Variants in CPEB2 observed in about 807,000 individuals in gnomAD.
CPEB2 encodes cytoplasmic polyadenylation element-binding protein 2.
In CPEB2, 56 loss-of-function variants were observed where a neutral mutation model predicts 93.6. That is an observed-to-expected ratio of 0.60 (90% CI 0.48 to 0.75). The LOEUF (loss-of-function observed/expected upper bound fraction) is 0.75, where lower values mean the gene tolerates loss of function less well. Ranked by LOEUF, CPEB2 falls within the 30% of genes least tolerant of loss-of-function variation. CPEB2 has a pLI of 0.00. For synonymous variants in CPEB2, 764 were observed against 586.3 expected (o/e 1.30, Z -4.38); for missense variants, 1,579 against 1,395.1 (o/e 1.13, Z -2.10).
At chr4:15,027,695 G>A (rs1404898011) in intron 4 of CPEB2, among the ~76,000 whole-genome samples, 2 of 152,138 alleles carry the variant, frequency 1.3e-5, no homozygotes, top group East Asian at 3.8e-4. Context: ...ACTTAATTAA[G>A]AAGTATTAGA....
intron 5 of CPEB2, among the ~76,000 whole-genome samples, chr4:15,039,231 T>A (rs1468600701): frequency 1.3e-5 from 2 of 152,200 alleles, no homozygotes; most frequent in African/African-American, 4.8e-5. Flanking sequence ...ATTGACTTTT[T>A]TCTTAGAATT....
chr4:15,038,306 T>C (rs1726830500), intron 5 of CPEB2, among the ~76,000 whole-genome samples: 2 of 152,238 alleles, frequency 1.3e-5, no homozygotes, highest in Admixed American at 1.3e-4. Context: ...AAACTGGCTA[T>C]GATATCATTA....
In CPEB2 at chr4:15,017,259, A is replaced by G. The variant is rs1160565597; in HGVS notation, c.2106A>G (p.Ala702=). The change falls in exon 4 of 12, where the codon GCA becomes GCG. Residue 702 remains alanine, a synonymous_variant. Transcript: ENST00000538197. ...LENSLIDIMR[A]EHDPLKGRLS... ...ATTCCCTTATCGATATTATGAGAGC[A>G]GAGCATGATCCTCTTAAGGGTAGGT... 6 of 1,593,056 alleles carry G rather than the reference A, an allele frequency of 3.8e-6. No individual in the cohort carries two copies. The highest frequency in any genetic ancestry group is 1.7e-4 in the Middle Eastern group (1 of 6,006).
Position 15,062,280 on chromosome 4 carries a change from AT to A in CPEB2, c.2877+21del. ...AAACGTGTAAGTTGCATATTGGGAAATCACTTATGTCCTATAATAAGGTGCT... is the reference window on the plus strand; with the variant it reads ...AAACGTGTAAGTTGCATATTGGGAAACACTTATGTCCTATAATAAGGTGCT... On this transcript the variant is annotated intron_variant, in intron 11 of 11. Coordinates refer to ENST00000538197, the MANE Select transcript of CPEB2 (RefSeq NM_001177382.2). 6.3e-7 allele frequency: 1 copy of A among 1,588,388 alleles called. No individual in the cohort carries two copies. The highest frequency in any genetic ancestry group is 8.6e-7 in the Non-Finnish European group (1 of 1,162,200).
intron 6 of CPEB2, among the ~76,000 whole-genome samples, chr4:15,042,176 A>G (rs1577433239): frequency 6.6e-6 from 1 of 152,062 alleles, no homozygotes; most frequent in Non-Finnish European, 1.5e-5. Context: ...CTTGTTAAAC[A>G]TTTTTCATCT....
At position 15,029,393 on chromosome 4, in the gene CPEB2, C is replaced by T. The variant is rs749007405; in HGVS notation, c.2126-3768C>T. Among the ~76,000 whole-genome samples the T allele has an allele frequency of 4.6e-5, 7 of 151,808 alleles. No homozygotes were observed. The East Asian group carries it at 9.6e-4, about 21-fold the overall frequency. On this transcript the variant is annotated intron_variant, in intron 4 of 11. Coordinates refer to ENST00000538197, the MANE Select transcript of CPEB2 (RefSeq NM_001177382.2). Reference sequence around the variant, plus strand: ...GACGAATAAGAAAATTTTTAAGATACGATAGATCCTCTAGTTATTCACTGA... The same window carrying T: ...GACGAATAAGAAAATTTTTAAGATATGATAGATCCTCTAGTTATTCACTGA...
Position 15,004,226 on chromosome 4 carries a change from C to G in CPEB2, c.1553C>G (p.Pro518Arg). 1 of 1,493,262 alleles carries G rather than the reference C, an allele frequency of 6.7e-7. No homozygotes were observed. Among genetic ancestry groups the G allele is most frequent in the Non-Finnish European group, 8.9e-7 (1 of 1,128,398 alleles). 92.5% of individuals were successfully genotyped at this position (1,493,262 alleles called of 1,614,324 possible). The change falls in exon 1 of 12, where the codon CCG (proline) becomes CGG (arginine). Residue 518 changes from proline (P) to arginine (R), a missense_variant. Pro to Arg is a moderately radical substitution (Grantham distance 103). Coordinates refer to ENST00000538197, the MANE Select transcript of CPEB2 (RefSeq NM_001177382.2). ...PQQQPPPPAAPQQPQSRRSPV... is the reference protein window; with the variant it reads ...PQQQPPPPAARQQPQSRRSPV... ...CAGCAGCCCCCGCCGCCCGCGGCGC[C>G]GCAGCAGCCGCAGAGCCGGAGGTCG... is the stretch of plus-strand genomic sequence containing the variant.
In CPEB2 at chr4:15,058,286, G is replaced by T. The variant is rs200159020; in HGVS notation, c.2462-135G>T. 52 of 611,032 alleles carry T rather than the reference G, an allele frequency of 8.5e-5. No homozygotes were observed. In the East Asian group the frequency reaches 1.4e-3, roughly 16 times the overall value. 37.9% of individuals were successfully genotyped at this position (611,032 alleles called of 1,614,324 possible). On this transcript the variant is annotated intron_variant, in intron 8 of 11. Transcript: ENST00000538197. ...ACATAAGATATTGTGTTCTCTTGTA[G>T]AAGGTAAATGGTTTTTCATCCTATT... is the stretch of plus-strand genomic sequence containing the variant.
At chr4:15,059,724 G>T (rs1425404795) in intron 10 of CPEB2, among the ~76,000 whole-genome samples, 1 of 151,968 alleles carries the variant, frequency 6.6e-6, no homozygotes, top group African/African-American at 2.4e-5. Flanking sequence ...ATAAGTGAAT[G>T]ATGATAAACT....
At chr4:15,061,092 T>C (rs1729149477) in intron 10 of CPEB2, among the ~76,000 whole-genome samples, 1 of 152,154 alleles carries the variant, frequency 6.6e-6, no homozygotes, top group East Asian at 1.9e-4. Context: ...CCATTTTTAA[T>C]ATACCGAGTG....
rs561712076 is a variant in CPEB2 at position 15,054,607 on chromosome 4, A to AT, written c.2461+400dup. Among the ~76,000 whole-genome samples the AT allele has an allele frequency of 1.6e-4, 24 of 150,162 alleles. No homozygotes were observed. In the East Asian group the frequency reaches 3.5e-3, roughly 22 times the overall value. The stretch of plus-strand genomic sequence containing the variant: ...AAAGACAAAGTAGCTAGTTGGGTCT[A>AT]TTTTTTTTTTCAATTATATAAAGAT... On this transcript the variant is annotated intron_variant, in intron 8 of 11. Transcript: ENST00000538197.
At position 15,062,200 on chromosome 4, in the gene CPEB2, C is replaced by T; in HGVS notation, c.2817C>T (p.Ser939=). ...GAGTTGCTTTCTCCAATCAGCAGAG[C>T]TATATTGCTGCCATTAGTGCTCGGT... The part of the protein sequence containing the change: ...AGRVAFSNQQ[S]YIAAISARFV... The change falls in exon 11 of 12, where the codon AGC becomes AGT. Residue 939 remains serine, a synonymous_variant. Coordinates refer to ENST00000538197, the MANE Select transcript of CPEB2 (RefSeq NM_001177382.2). 1.9e-6 allele frequency: 3 copies of T among 1,612,852 alleles called. No homozygotes were observed. The highest frequency in any genetic ancestry group is 2.5e-6 in the Non-Finnish European group (3 of 1,179,204).
At chr4:15,004,380 A>C in intron 1 of CPEB2, 45 bp downstream of exon 1, 31 of 1,331,154 alleles carry the variant, frequency 2.3e-5, no homozygotes, top group Non-Finnish European at 2.9e-5. Flanking sequence ...CCGGGAGACC[A>C]TGGGCGGGGG....
rs1727536856 is a variant in CPEB2 at position 15,045,154 on chromosome 4, A to AT, written c.2200+4668dup. ...TTCCCTCTACTTCTTTTTCTCCTCT[A>AT]TCCTTTTCTGTCTATAACTATCTCA... is the stretch of plus-strand genomic sequence containing the variant. On this transcript the variant is annotated intron_variant, in intron 6 of 11. Coordinates refer to ENST00000538197, the MANE Select transcript of CPEB2 (RefSeq NM_001177382.2). Among the ~76,000 whole-genome samples, 3 of 151,934 alleles carry AT rather than the reference A, an allele frequency of 2.0e-5. No homozygotes were observed. The South Asian group carries it at 6.2e-4, about 32-fold the overall frequency.
In CPEB2 at chr4:15,003,755, C is replaced by A; in HGVS notation, c.1082C>A (p.Pro361His). The A allele has an allele frequency of 2.4e-6, 3 of 1,254,162 alleles. No individual in the cohort carries two copies. Among genetic ancestry groups the A allele is most frequent in the South Asian group, 3.3e-5 (1 of 30,480 alleles). The allele number at this position is 1,254,162 out of a possible 1,614,324, so 77.7% of individuals were successfully genotyped here. ...GGCGGCGGCGGCGGGGGCGGGGGGC[C>A]CCCAGGAGGCGGAGGGGGAGGCGGC... ...GGGGGGGGGG[P>H]PGGGGGGGSA... Residue 361 changes from proline to histidine, a missense_variant, in exon 1 of 12, where the codon CCC becomes CAC. Pro to His is a moderately conservative substitution (Grantham distance 77). This residue lies in a region of CPEB2 where 1,411 missense variants were observed against 1,056.0 expected (regional missense o/e 1.34). Transcript: ENST00000538197.
At chr4:15,064,090 G>T (rs1043638209) in intron 11 of CPEB2, among the ~76,000 whole-genome samples, 2 of 152,064 alleles carry the variant, frequency 1.3e-5, no homozygotes, top group Non-Finnish European at 2.9e-5. Context: ...TGGCGGGAAT[G>T]AAAATTGTTT....
Position 15,007,323 on chromosome 4 carries a change from C to T in CPEB2, c.1681C>T (p.Pro561Ser), listed in dbSNP as rs199895534. 6 of 1,542,522 alleles carry T rather than the reference C, an allele frequency of 3.9e-6. No homozygotes were observed. Among genetic ancestry groups the T allele is most frequent in the African/African-American group, 1.4e-5 (1 of 73,150 alleles). ...TCCCTAGCCTCTTCTGAAACAGTCT[C>T]CCTGGAGCAACCATCAGAGCAGTGG... ...NHHQPLLKQS[P>S]WSNHQSSGWG... Residue 561 changes from proline (P) to serine (S), a missense_variant, in exon 2 of 12, where the codon CCC becomes TCC. This residue lies in a region of CPEB2 where 1,411 missense variants were observed against 1,056.0 expected (regional missense o/e 1.34). Coordinates refer to ENST00000538197, the MANE Select transcript of CPEB2 (RefSeq NM_001177382.2).
intron 8 of CPEB2, among the ~76,000 whole-genome samples, chr4:15,055,345 G>A (rs931334308): frequency 6.6e-6 from 1 of 152,140 alleles, no homozygotes; most frequent in Admixed American, 6.5e-5. Flanking sequence ...TTCATTGGAG[G>A]TCACAAAACC....
intron 2 of CPEB2, 124 bp from the exon 3 acceptor site, chr4:15,008,214 C>T: frequency 1.7e-6 from 1 of 584,252 alleles, no homozygotes; most frequent in Non-Finnish European, 3.0e-6. Flanking sequence ...TTTTCTTAAA[C>T]CTTTAGAGGA....
Sources: allele counts gnomAD v4.1 joint callset (sites outside exome capture counted in the v4.1 genomes callset), GRCh38; gene constraint gnomAD v4.1.1; regional missense constraint gnomAD v4.1.1; transcripts MANE v1.5; gene names NCBI Gene and HGNC (gene_info 2026-07-23, HGNC 2026-07-21).